RBFOX1: variants seen among roughly 807,000 people sequenced by gnomAD.
The protein encoded by RBFOX1 is RNA binding protein fox-1 homolog 1.
In RBFOX1, 8 loss-of-function variants were observed where a neutral mutation model predicts 57.7. The ratio of observed to expected loss-of-function variants is 0.14; its 90% CI spans 0.08 to 0.25. The LOEUF (loss-of-function observed/expected upper bound fraction) is 0.25. Ranked by LOEUF, RBFOX1 falls within the 10% of genes least tolerant of loss-of-function variation. The pLI is 1.00. For missense variants in RBFOX1, 611 were observed against 548.5 expected (o/e 1.11, Z -1.14); for synonymous variants, 326 against 222.4 (o/e 1.47, Z -4.15).
In RBFOX1 at chr16:5,784,235, C is replaced by T. The variant is rs571257302; in HGVS notation, c.319-83068C>T. Among the ~76,000 whole-genome samples, 47 of 152,174 alleles carry T rather than the reference C, an allele frequency of 3.1e-4. No homozygotes were observed. The East Asian group carries it at 6.6e-3, about 21-fold the overall frequency. ...AGGAGATCGAGACCATCCTGGCTAA[C>T]GTGGTGAAACCCCGTCTCTACTAAA... On this transcript the variant is annotated intron_variant, in intron 3 of 19. Transcript: ENST00000641259.
chr16:5,597,625 C>T (rs2047229524), intron 2 of RBFOX1, among the ~76,000 whole-genome samples: 1 of 152,004 alleles, frequency 6.6e-6, no homozygotes, highest in East Asian at 1.9e-4. Flanking sequence ...GTCTGGAGCT[C>T]CTGACCTCAG....
At chr16:7,023,540 A>T (rs2039939712) in intron 3 of RBFOX1, among the ~76,000 whole-genome samples, 1 of 140,420 alleles carries the variant, frequency 7.1e-6, no homozygotes, top group African/African-American at 2.8e-5. Context: ...CAGCCTGGCC[A>T]ACATGGTGAA....
At chr16:5,878,665 C>T (rs2151914007) in intron 4 of RBFOX1, among the ~76,000 whole-genome samples, 1 of 152,116 alleles carries the variant, frequency 6.6e-6, no homozygotes, top group East Asian at 1.9e-4. Flanking sequence ...GCTGATATCC[C>T]ACTTACCTCA....
intron 3 of RBFOX1, among the ~76,000 whole-genome samples, chr16:6,691,537 C>A (rs1325662014): frequency 1.3e-5 from 2 of 152,114 alleles, no homozygotes; most frequent in Admixed American, 1.3e-4. Flanking sequence ...CGCAGGTTTC[C>A]CGTTATCACA....
chr16:7,307,572 C>T (rs967609831), intron 4 of RBFOX1, among the ~76,000 whole-genome samples: 2 of 152,216 alleles, frequency 1.3e-5, no homozygotes, highest in Admixed American at 1.3e-4. Context: ...TGTTTACTTA[C>T]AGCTACGATT....
rs774016986 is a variant in RBFOX1 at position 6,577,934 on chromosome 16, G to C, written c.-63-76669G>C. 2.4e-4 allele frequency among the ~76,000 whole-genome samples: 36 copies of C among 152,228 alleles called. 2 individuals carry two copies. The highest frequency in any genetic ancestry group is 1.3e-4 in the Admixed American group (2 of 15,284). On this transcript the variant is annotated intron_variant, in intron 2 of 15. Transcript: ENST00000550418. Reference sequence around the variant, plus strand: ...AATGTCATACAAATGAGAAGGCTGGGATTCAGAGAGCTTCAGTCACTAGGA... The same window carrying C: ...AATGTCATACAAATGAGAAGGCTGGCATTCAGAGAGCTTCAGTCACTAGGA...
chr16:7,037,526 C>T (rs972566901), intron 3 of RBFOX1, among the ~76,000 whole-genome samples: 2 of 152,184 alleles, frequency 1.3e-5, no homozygotes, highest in East Asian at 1.9e-4. Flanking sequence ...GTCCAGTCCA[C>T]TGTCAACTTA....
chr16:7,541,395 G>A (rs1377762682), intron 5 of RBFOX1, among the ~76,000 whole-genome samples: 1 of 152,092 alleles, frequency 6.6e-6, no homozygotes, highest in Non-Finnish European at 1.5e-5. Context: ...CCACTGATAG[G>A]AGATTGCTCC....
chr16:7,369,284 C>T (rs1469930990), intron 4 of RBFOX1, among the ~76,000 whole-genome samples: 2 of 152,048 alleles, frequency 1.3e-5, no homozygotes, highest in African/African-American at 4.8e-5. Flanking sequence ...CTGACCATGT[C>T]TTCCAGAGGA....
chr16:7,370,921 C>T (rs550382756), intron 4 of RBFOX1, among the ~76,000 whole-genome samples: 2 of 152,244 alleles, frequency 1.3e-5, no homozygotes, highest in South Asian at 4.1e-4. Context: ...GTGACTGCAG[C>T]CAGGGTGAGT....
At chr16:5,744,407 T>A (rs1406004128) in intron 3 of RBFOX1, among the ~76,000 whole-genome samples, 1 of 152,192 alleles carries the variant, frequency 6.6e-6, no homozygotes, top group African/African-American at 2.4e-5. Flanking sequence ...AACTTTAGAT[T>A]CTTCTTAGGC....
At chr16:6,725,003 G>T (rs1454291780) in intron 3 of RBFOX1, among the ~76,000 whole-genome samples, 1 of 149,624 alleles carries the variant, frequency 6.7e-6, no homozygotes, top group Non-Finnish European at 1.5e-5. Flanking sequence ...AATGGGGACA[G>T]CCAGGAGTCA....
At chr16:6,569,968 T>C (rs2153948266) in intron 2 of RBFOX1, among the ~76,000 whole-genome samples, 1 of 152,248 alleles carries the variant, frequency 6.6e-6, no homozygotes, top group East Asian at 1.9e-4. Context: ...AGCCTGCCGG[T>C]AATTTGTTTG....
chr16:5,634,225 G>T (rs773087436), intron 3 of RBFOX1, among the ~76,000 whole-genome samples: 7 of 152,170 alleles, frequency 4.6e-5, no homozygotes, highest in Admixed American at 1.3e-4. Flanking sequence ...GACAGCTACT[G>T]GTTCAGTACT....
At chr16:6,711,986 G>A (rs565259312) in intron 3 of RBFOX1, among the ~76,000 whole-genome samples, 1 of 152,082 alleles carries the variant, frequency 6.6e-6, no homozygotes, top group Admixed American at 6.5e-5. Context: ...TATAGTATAC[G>A]TTTTAGTGAT....
At chr16:5,887,527 G>A (rs552506705) in intron 4 of RBFOX1, among the ~76,000 whole-genome samples, 76 of 152,266 alleles carry the variant, frequency 5.0e-4, no homozygotes, top group African/African-American at 1.7e-3. Context: ...TTAGCCTCCT[G>A]AGTAGCTGGG....
At position 6,780,323 on chromosome 16, in the gene RBFOX1, TTATA is replaced by T. The variant is rs1302510265; in HGVS notation, c.-16+125679_-16+125682del. Among the ~76,000 whole-genome samples, 19 of 77,958 alleles carry T rather than the reference TTATA, an allele frequency of 2.4e-4. 2 individuals carry two copies. The highest frequency in any genetic ancestry group is 4.6e-4 in the Admixed American group (2 of 4,374). 51.1% of individuals were successfully genotyped at this position (77,958 alleles called of 152,430 possible). Reference sequence around the variant, plus strand: ...TATACATATATATATTTATTCATATTTATATATATTTATACATATTTATATACAT... The same window carrying T: ...TATACATATATATATTTATTCATATTTATATTTATACATATTTATATACAT... On this transcript the variant is annotated intron_variant, in intron 3 of 15. Coordinates refer to ENST00000550418, the MANE Select transcript of RBFOX1 (RefSeq NM_018723.4).
chr16:7,376,745 A>C (rs1010677376), intron 4 of RBFOX1, among the ~76,000 whole-genome samples: 1 of 152,204 alleles, frequency 6.6e-6, no homozygotes, highest in Non-Finnish European at 1.5e-5. Flanking sequence ...AGACTCTTAA[A>C]TAACCGGAAA....
At chr16:7,574,169 G>A (rs1170034410) in intron 5 of RBFOX1, among the ~76,000 whole-genome samples, 1 of 152,114 alleles carries the variant, frequency 6.6e-6, no homozygotes, top group Non-Finnish European at 1.5e-5. Flanking sequence ...CTTTCAAGAG[G>A]CTGATGAAAG....
Sources: allele counts gnomAD v4.1 joint callset (sites outside exome capture counted in the v4.1 genomes callset), GRCh38; gene constraint gnomAD v4.1.1; transcripts MANE v1.5; gene names NCBI Gene and HGNC (gene_info 2026-07-23, HGNC 2026-07-21).